The following POLI variants were observed in gnomAD, a reference collection of about 807,000 sequenced individuals.
POLI encodes the protein RAD30 homolog B.
In POLI, 58 loss-of-function variants were observed where a neutral mutation model predicts 51.6. The observed-to-expected ratio is 1.12, with a 90% CI of 0.91 to 1.40. The LOEUF (loss-of-function observed/expected upper bound fraction) is 1.40. POLI is among the 40% of genes most tolerant of loss of function. The pLI, the probability that POLI is intolerant of heterozygous loss-of-function variation, is 0.00. For missense variants in POLI, 921 were observed against 871.3 expected (o/e 1.06, Z -0.72); for synonymous variants, 322 against 299.7 (o/e 1.07, Z -0.77).
intron 8 of POLI, among the ~76,000 whole-genome samples, chr18:54,288,794 T>G (rs1266552476): frequency 6.6e-6 from 1 of 152,202 alleles, no homozygotes; most frequent in Non-Finnish European, 1.5e-5. Context: ...TCTGTTTGTC[T>G]TTTGTTTATA....
At chr18:54,313,418 G>A (rs1568161205) in intron 3 of POLI, among the ~76,000 whole-genome samples, 1 of 152,102 alleles carries the variant, frequency 6.6e-6, no homozygotes, top group Non-Finnish European at 1.5e-5. Context: ...TTTTTGCTTA[G>A]GATTGCTTTG....
Position 54,269,591 on chromosome 18 carries a change from C to CGACGAGGAA in POLI, c.50_51insGGAAGACGA (p.Asp16_Asp17insGluGluAsp). On this transcript the variant is annotated inframe_insertion, in exon 1 of 10. Transcript: ENST00000579534. The stretch of plus-strand genomic sequence containing the variant: ...AGCCGGAGGAGGAAGGCGGCGGCGA[C>CGACGAGGAA]GACGACGAGGAAGACGCCGAGGCCT... 7.4e-6 allele frequency: 10 copies of CGACGAGGAA among 1,355,448 alleles called. No individual in the cohort carries two copies. Among genetic ancestry groups the CGACGAGGAA allele is most frequent in the Non-Finnish European group, 8.5e-6 (9 of 1,064,772 alleles). The allele number at this position is 1,355,448 out of a possible 1,614,324, so 84.0% of individuals were successfully genotyped here. A position where few individuals can be genotyped will look rare whatever the true frequency, so the allele number is the denominator to read the frequency against.
Position 54,269,627 on chromosome 18 carries a change from A to G in POLI, c.81A>G (p.Glu27=), listed in dbSNP as rs957964448. The change falls in exon 1 of 10, where the codon GAA becomes GAG. Residue 27 remains glutamate, a synonymous_variant. Transcript: ENST00000579534. The part of the protein sequence containing the change: ...DEEDAEAWAM[E]LADVGAAASS... ...AAGACGCCGAGGCCTGGGCCATGGAACTGGCGGACGTGGGGGCGGCAGCCA... is the reference window on the plus strand; with the variant it reads ...AAGACGCCGAGGCCTGGGCCATGGAGCTGGCGGACGTGGGGGCGGCAGCCA... 2.2e-5 allele frequency: 33 copies of G among 1,509,832 alleles called. No homozygotes were observed. The highest frequency in any genetic ancestry group is 2.9e-5 in the Non-Finnish European group (33 of 1,131,768). 93.5% of individuals were successfully genotyped at this position (1,509,832 alleles called of 1,614,324 possible).
At chr18:54,317,863 A>G (rs779328208) in intron 3 of POLI, among the ~76,000 whole-genome samples, 3 of 152,148 alleles carry the variant, frequency 2.0e-5, no homozygotes, top group Non-Finnish European at 4.4e-5. Flanking sequence ...TAATAAACAA[A>G]AAGGATTTAT....
chr18:54,318,308 T>A (rs1345934011), intron 3 of POLI, among the ~76,000 whole-genome samples: 1 of 152,210 alleles, frequency 6.6e-6, no homozygotes, highest in African/African-American at 2.4e-5. Context: ...GTGCTTTTAA[T>A]TCAATGTACA....
chr18:54,269,745 C>T, intron 1 of POLI, 84 bp downstream of exon 1: 1 of 1,406,670 alleles, frequency 7.1e-7, no homozygotes. Flanking sequence ...GCGGCGGCCA[C>T]TGGGGCGCGA....
intron 4 of POLI, among the ~76,000 whole-genome samples, chr18:54,279,900 A>T (rs192291525): frequency 8.5e-5 from 13 of 152,356 alleles, no homozygotes; most frequent in African/African-American, 2.6e-4. Flanking sequence ...TTCTTGTTAT[A>T]TAATAATACT....
chr18:54,269,867 G>A (rs1310686876), intron 1 of POLI: 5 of 1,324,082 alleles, frequency 3.8e-6, no homozygotes, highest in Non-Finnish European at 4.8e-6. Context: ...AGGGTGGGGC[G>A]CGTCCACACT....
chr18:54,321,211 T>C (rs2088783370), exon 5 of POLI: 1 of 152,236 alleles, frequency 6.6e-6, no homozygotes, highest in South Asian at 2.1e-4. Flanking sequence ...TTCATCTTTA[T>C]CATTTTGTCA....
At chr18:54,274,926 A>G (rs2087171887) in intron 3 of POLI, 1 of 152,226 alleles carries the variant, frequency 6.6e-6, no homozygotes. Flanking sequence ...AACAAAGGAC[A>G]AAGGATATGA....
chr18:54,277,838 A>G lies in POLI; in HGVS notation c.542A>G (p.His181Arg), dbSNP rs1341256741. ...DELSAVTVSG[H>R]VYNNQSINLL... is the part of the protein sequence containing the mutation. ...CTTTCTGCGGTGACTGTGTCGGGTC[A>G]TGTATACAATAATCAGTGTGAGTGG... The change falls in exon 4 of 10, where the codon CAT (histidine) becomes CGT (arginine). Residue 181 changes from histidine (H) to arginine (R), a missense_variant. Physicochemically the swap from His to Arg is conservative, Grantham distance 29. Coordinates refer to ENST00000579534, the MANE Select transcript of POLI (RefSeq NM_007195.3). The G allele has an allele frequency of 6.2e-7, 1 of 1,612,126 alleles. No homozygotes were observed. Among genetic ancestry groups the G allele is most frequent in the Non-Finnish European group, 8.5e-7 (1 of 1,178,752 alleles).
intron 4 of POLI, 111 bp downstream of exon 4, chr18:54,277,966 T>C (rs566141050): frequency 4.0e-6 from 3 of 744,086 alleles, no homozygotes; most frequent in African/African-American, 1.8e-5. Flanking sequence ...GTTGGAGGTA[T>C]AGTTATATTT....
At chr18:54,280,384 A>G (rs1196799355) in intron 4 of POLI, among the ~76,000 whole-genome samples, 2 of 151,112 alleles carry the variant, frequency 1.3e-5, no homozygotes, top group South Asian at 2.1e-4. Context: ...GAACTAATAC[A>G]GTCAGAAACT....
chr18:54,295,529 C>T lies in POLI; in HGVS notation c.*1062C>T, dbSNP rs2088280413. 5.7e-6 allele frequency: 5 copies of T among 879,680 alleles called. No individual in the cohort carries two copies. Among genetic ancestry groups the T allele is most frequent in the African/African-American group, 1.8e-5 (1 of 54,854 alleles). The allele number at this position is 879,680 out of a possible 1,614,324, so 54.5% of individuals were successfully genotyped here. On this transcript the variant is annotated 3_prime_UTR_variant, in exon 10 of 10. Transcript: ENST00000579534. ...CCTGGTCTCAAGTTTATAATTTTTG[C>T]ACATATAATCTAAAGAAGAGACTTT... is the stretch of plus-strand genomic sequence containing the variant.
downstream of POLI, among the ~76,000 whole-genome samples, chr18:54,302,103 C>T (rs1343698528): frequency 6.6e-6 from 1 of 152,106 alleles, no homozygotes; most frequent in Non-Finnish European, 1.5e-5. Context: ...CTGGCTAGGC[C>T]ATTGTTGGGG....
chr18:54,294,491 AAAGC>A lies in POLI; in HGVS notation c.*28_*31del. 6.4e-7 allele frequency: 1 copy of A among 1,551,340 alleles called. No individual in the cohort carries two copies. The highest frequency in any genetic ancestry group is 8.7e-7 in the Non-Finnish European group (1 of 1,154,238). ...AAGCATATTCAGCAAAAAGGTCTGAAAAGCAAGGGAATACCATTATTTTCGGATT... is the reference window on the plus strand; with the variant it reads ...AAGCATATTCAGCAAAAAGGTCTGAAAAGGGAATACCATTATTTTCGGATT... On this transcript the variant is annotated 3_prime_UTR_variant, in exon 10 of 10. Transcript: ENST00000579534.
intron 5 of POLI, 56 bp downstream of exon 5, chr18:54,280,959 T>A (rs903073163): frequency 4.5e-6 from 4 of 895,384 alleles, no homozygotes; most frequent in African/African-American, 3.4e-5. Context: ...TCTTTTAATT[T>A]AAAAAATTAT....
rs2088345938 is a variant in POLI, at chr18:54,296,666, T to C, written c.*2199T>C. 1 of 166,362 alleles carries C rather than the reference T, an allele frequency of 6.0e-6. No homozygotes were observed. Among genetic ancestry groups the C allele is most frequent in the African/African-American group, 2.4e-5 (1 of 41,646 alleles). 10.3% of individuals were successfully genotyped at this position (166,362 alleles called of 1,614,324 possible). A position where few individuals can be genotyped will look rare whatever the true frequency, so the allele number is the denominator to read the frequency against. On this transcript the variant is annotated 3_prime_UTR_variant, in exon 10 of 10. Coordinates refer to ENST00000579534, the MANE Select transcript of POLI (RefSeq NM_007195.3). ...ATTTCTCATATTTTTCATCCTCTTG[T>C]TTCTCTTTACTGCATTTTGGGTAAT...
chr18:54,282,016 A>G (rs2087524067), intron 5 of POLI, among the ~76,000 whole-genome samples: 2 of 152,154 alleles, frequency 1.3e-5, no homozygotes, highest in East Asian at 1.9e-4. Context: ...ACTTTGTGAC[A>G]GTTTTGCTAG....
Sources: gnomAD v4.1 joint callset for allele counts (sites outside exome capture counted in the v4.1 genomes callset) on GRCh38, gnomAD v4.1.1 for gene constraint, MANE v1.5 for transcripts, NCBI Gene and HGNC (gene_info 2026-07-23, HGNC 2026-07-21) for gene names.